The following FRYL variants were observed in gnomAD, a reference collection of about 807,000 sequenced individuals.
The protein encoded by FRYL is FRY like transcription coactivator.
FRYL carries 150 observed loss-of-function variants against 351.2 expected under a neutral mutation model. That is an observed-to-expected ratio of 0.43 (90% confidence interval 0.37 to 0.49). The LOEUF is 0.49. FRYL is among the 20% of genes least tolerant of loss of function. FRYL has a pLI of 0.00. For synonymous variants in FRYL, 1,153 were observed against 1,257.1 expected, an observed-to-expected ratio of 0.92 and a Z score of 1.75; for missense variants, 3,036 against 3,619.3, an observed-to-expected ratio of 0.84 and a Z score of 4.13.
intron 27 of FRYL, among the ~76,000 whole-genome samples, chr4:48,569,077 A>G (rs1737611326): frequency 1.3e-5 from 2 of 152,360 alleles, no homozygotes; most frequent in Non-Finnish European, 2.9e-5. Flanking sequence ...TTATTGCTTA[A>G]TAGTCATATA....
chr4:48,559,793 C>T (rs929342309), intron 33 of FRYL, among the ~76,000 whole-genome samples: 10 of 151,852 alleles, frequency 6.6e-5, no homozygotes, highest in Admixed American at 3.3e-4. Context: ...AAAAGGAATA[C>T]TCAACGGTAG....
intron 33 of FRYL, 149 bp downstream of exon 33, chr4:48,561,319 A>T: frequency 2.0e-6 from 1 of 495,808 alleles, no homozygotes; most frequent in Non-Finnish European, 3.4e-6. Flanking sequence ...CAGAATTAAG[A>T]GTTCTTATTG....
intron 1 of FRYL, among the ~76,000 whole-genome samples, chr4:48,739,005 A>AC (rs1771749404): frequency 6.6e-6 from 1 of 152,136 alleles, no homozygotes; most frequent in South Asian, 2.1e-4. Context: ...ACACTGCCCA[A>AC]CCCAACACTT....
At chr4:48,595,756 A>C (rs1744460872) in intron 14 of FRYL, 58 bp from the exon 15 acceptor site, 2 of 1,233,940 alleles carry the variant, frequency 1.6e-6, no homozygotes, top group Non-Finnish European at 2.3e-6. Flanking sequence ...ATATTAGCAA[A>C]AAATTCTTCC....
At chr4:48,545,563 G>A (rs79137550) in intron 42 of FRYL, among the ~76,000 whole-genome samples, 125 of 152,138 alleles carry the variant, frequency 8.2e-4, no homozygotes, top group Non-Finnish European at 1.3e-3. Flanking sequence ...TTCATGGCCC[G>A]CCAGTTTGAA....
At chr4:48,561,394 T>C in intron 33 of FRYL, 74 bp downstream of exon 33, 1 of 1,010,682 alleles carries the variant, frequency 9.9e-7, no homozygotes. Context: ...TTTAATAAAT[T>C]TATAATTTTC....
rs1455532868 is a variant in FRYL, at chr4:48,506,613, CTA to C, written c.8395-1000_8395-999del. The C allele has an allele frequency of 4.0e-4, 26 of 64,638 alleles. No individual in the cohort carries two copies. The South Asian group carries it at 6.1e-3, about 15-fold the overall frequency. The allele number at this position is 64,638 out of a possible 1,614,324, so 4.0% of individuals were successfully genotyped here. A position where few individuals can be genotyped will look rare whatever the true frequency, so the allele number is the denominator to read the frequency against. On this transcript the variant is annotated intron_variant, in intron 59 of 63. Coordinates refer to ENST00000358350, the MANE Select transcript of FRYL (RefSeq NM_015030.2). ...TAAATTATACTATTAAACAATACAA[CTA>C]ATATATATATATATATATATATATA...
chr4:48,546,993 A>T (rs1731505126), intron 41 of FRYL, among the ~76,000 whole-genome samples: 1 of 151,936 alleles, frequency 6.6e-6, no homozygotes, highest in African/African-American at 2.4e-5. Context: ...AAAAAAGGTA[A>T]TTTTATTGCA....
chr4:48,582,602 A>G lies in FRYL; in HGVS notation c.1881T>C (p.Thr627=). Residue 627 remains threonine (T), a synonymous_variant, in exon 20 of 64, where the codon ACT becomes ACC. Coordinates refer to ENST00000358350, the MANE Select transcript of FRYL (RefSeq NM_015030.2). ...TATCAAGAAGTGTGGGATGGACATC[A>G]GTCACTTCACGAACAATAAAATAAA... is the stretch of plus-strand genomic sequence containing the variant. ...GFVYFIVREV[T]DVHPTLLDNA... 6.2e-7 allele frequency: 1 copy of G among 1,613,764 alleles called. No individual in the cohort carries two copies. Among genetic ancestry groups the G allele is most frequent in the Non-Finnish European group, 8.5e-7 (1 of 1,179,668 alleles).
At chr4:48,737,348 G>C (rs1259530407) in intron 1 of FRYL, among the ~76,000 whole-genome samples, 1 of 151,442 alleles carries the variant, frequency 6.6e-6, no homozygotes, top group East Asian at 1.9e-4. Flanking sequence ...GGAATACTAT[G>C]AACAATGCTT....
chr4:48,778,542 T>C (rs1776266839), intron 1 of FRYL, among the ~76,000 whole-genome samples: 3 of 152,214 alleles, frequency 2.0e-5, no homozygotes, highest in South Asian at 2.1e-4. Context: ...ACATAAAGTA[T>C]TGCACAAGAA....
At chr4:48,541,081 C>T in intron 45 of FRYL, 121 bp from the exon 46 acceptor site, 2 of 961,732 alleles carry the variant, frequency 2.1e-6, no homozygotes, top group Non-Finnish European at 2.9e-6. Flanking sequence ...TTCAGTATAT[C>T]TGACTTTGTT....
At chr4:48,587,328 A>G (rs1742310546) in intron 18 of FRYL, among the ~76,000 whole-genome samples, 1 of 152,058 alleles carries the variant, frequency 6.6e-6, no homozygotes, top group Admixed American at 6.6e-5. Flanking sequence ...GAGGCTTAAT[A>G]CAATTTAATT....
At chr4:48,728,444 G>A (rs1325471021) in intron 1 of FRYL, among the ~76,000 whole-genome samples, 1 of 151,864 alleles carries the variant, frequency 6.6e-6, no homozygotes, top group Non-Finnish European at 1.5e-5. Context: ...GGAAAGGAGA[G>A]GAACAGAAGA....
intron 7 of FRYL, 83 bp downstream of exon 7, chr4:48,619,191 C>T: frequency 1.2e-6 from 1 of 859,228 alleles, no homozygotes; most frequent in East Asian, 2.4e-5. Context: ...ATTCTAGACA[C>T]AGCATCTTAA....
intron 1 of FRYL, among the ~76,000 whole-genome samples, chr4:48,764,530 C>CAAAAA (rs199626199): frequency 5.0e-5 from 5 of 100,272 alleles, no homozygotes; most frequent in Admixed American, 1.0e-4. Flanking sequence ...GACTCTGTTT[C>CAAAAA]AAAAAAAAAG....
chr4:48,587,836 C>T (rs1284399579), intron 18 of FRYL, among the ~76,000 whole-genome samples: 6 of 152,196 alleles, frequency 3.9e-5, no homozygotes, highest in South Asian at 2.1e-4. Context: ...TGAGTCACCG[C>T]GCCTGGCCTT....
At chr4:48,511,633 T>C (rs1388911885) in intron 57 of FRYL, among the ~76,000 whole-genome samples, 1 of 152,190 alleles carries the variant, frequency 6.6e-6, no homozygotes, top group African/African-American at 2.4e-5. Context: ...TCAGCCATCA[T>C]GAAACTTACA....
intron 2 of FRYL, among the ~76,000 whole-genome samples, chr4:48,696,951 TCAAA>T (rs910769978): frequency 1.2e-4 from 19 of 152,004 alleles, no homozygotes; most frequent in Non-Finnish European, 2.4e-4. Flanking sequence ...AGGTTTTGGC[TCAAA>T]CAATCTCTGC....
Sources: gnomAD v4.1 joint callset for allele counts (sites outside exome capture counted in the v4.1 genomes callset) on GRCh38, gnomAD v4.1.1 for gene constraint, MANE v1.5 for transcripts, NCBI Gene and HGNC (gene_info 2026-07-23, HGNC 2026-07-21) for gene names.